ALDH1L2: variants seen among roughly 807,000 people sequenced by gnomAD.
The protein encoded by ALDH1L2 is mitochondrial 10-formyltetrahydrofolate dehydrogenase.
In ALDH1L2, 91 loss-of-function variants were observed where a neutral mutation model predicts 111.0. The observed-to-expected ratio is 0.82, with a 90% CI of 0.69 to 0.98. ALDH1L2 has a LOEUF of 0.98. ALDH1L2 is among the 50% of genes least tolerant of loss of function. The pLI, the probability that ALDH1L2 is intolerant of heterozygous loss-of-function variation, is 0.00. For missense variants in ALDH1L2, 995 were observed against 1,126.8 expected (o/e 0.88, Z 1.67); for synonymous variants, 374 against 392.6 (o/e 0.95, Z 0.56).
chr12:105,063,085 T>G, intron 6 of ALDH1L2, 63 bp from the exon 7 acceptor site: 351 of 1,520,382 alleles, frequency 2.3e-4, no homozygotes, highest in Non-Finnish European at 2.8e-4. Context: ...GCGGTATGTA[T>G]AAGCATCATT....
rs1445377336 is a variant in ALDH1L2 at position 105,040,783 on chromosome 12, A to C, written c.1864-89T>G. 4 of 1,009,382 alleles carry C rather than the reference A, an allele frequency of 4.0e-6. No individual in the cohort carries two copies. The Admixed American group carries it at 5.6e-5, about 14-fold the overall frequency. 62.5% of individuals were successfully genotyped at this position (1,009,382 alleles called of 1,614,324 possible). A position where few individuals can be genotyped will look rare whatever the true frequency, so the allele number is the denominator to read the frequency against. ...AGTTTTCCCTTGATAGCTGCACTAG[A>C]TCTCATTTTATTTTTATTGTACATT... On this transcript the variant is annotated intron_variant, in intron 15 of 22. Coordinates refer to ENST00000258494, the MANE Select transcript of ALDH1L2 (RefSeq NM_001034173.4).
intron 15 of ALDH1L2, among the ~76,000 whole-genome samples, chr12:105,041,855 T>TA (rs1875553616): frequency 7.2e-6 from 1 of 138,566 alleles, no homozygotes; most frequent in Admixed American, 7.3e-5. Context: ...CCCTTATCAT[T>TA]CTGACGTGCC....
In ALDH1L2 at chr12:105,034,343, A is replaced by C; in HGVS notation, c.2201T>G (p.Leu734Trp). 3 of 1,613,912 alleles carry C rather than the reference A, an allele frequency of 1.9e-6. No homozygotes were observed. In the South Asian group the frequency reaches 3.3e-5, roughly 18 times the overall value. Residue 734 changes from leucine (L) to tryptophan (W), a missense_variant, in exon 19 of 23, where the codon TTG becomes TGG. Transcript: ENST00000258494. ...KGENCIAAGR[L>W]FVEESIHDEF... ...GTCGTGGATGGATTCTTCCACGAAC[A>C]ACCGCCCAGCAGCAATACAGTTCTC...
intron 1 of ALDH1L2, chr12:105,074,334 T>C (rs995772654): frequency 2.3e-5 from 5 of 216,014 alleles, no homozygotes; most frequent in African/African-American, 9.4e-5. Flanking sequence ...GGCACACACC[T>C]GTAATCCCAG....
chr12:105,021,675 A>G lies in ALDH1L2; in HGVS notation c.*2749T>C, dbSNP rs1874167664. Reference sequence around the variant, plus strand: ...ATTTTTTTCAGAGATTGTGAAGATTAAATAACATTTAAAACATGCTTAGCC... The same window carrying G: ...ATTTTTTTCAGAGATTGTGAAGATTGAATAACATTTAAAACATGCTTAGCC... On this transcript the variant is annotated 3_prime_UTR_variant, in exon 23 of 23. Coordinates refer to ENST00000258494, the MANE Select transcript of ALDH1L2 (RefSeq NM_001034173.4). 1 of 152,172 alleles carries G rather than the reference A, an allele frequency of 6.6e-6. No homozygotes were observed. Among genetic ancestry groups the G allele is most frequent in the Non-Finnish European group, 1.5e-5 (1 of 68,028 alleles). The allele number at this position is 152,172 out of a possible 1,614,324, so 9.4% of individuals were successfully genotyped here. A position where few individuals can be genotyped will look rare whatever the true frequency, so the allele number is the denominator to read the frequency against.
intron 21 of ALDH1L2, 83 bp from the exon 22 acceptor site, chr12:105,026,827 C>A: frequency 6.6e-7 from 1 of 1,518,404 alleles, no homozygotes; most frequent in South Asian, 1.2e-5. Flanking sequence ...CCCATCTATG[C>A]TAGAAACAGG....
chr12:105,051,586 T>G (rs1876267447), intron 12 of ALDH1L2, among the ~76,000 whole-genome samples: 1 of 152,186 alleles, frequency 6.6e-6, no homozygotes, highest in Admixed American at 6.5e-5. Context: ...AGTTCTTTAT[T>G]AAACTTCTTT....
chr12:105,072,060 T>C (rs1877763875), intron 2 of ALDH1L2, among the ~76,000 whole-genome samples: 1 of 151,322 alleles, frequency 6.6e-6, no homozygotes, highest in East Asian at 1.9e-4. Flanking sequence ...CGCTCCAGCC[T>C]GGGCAACGAA....
intron 18 of ALDH1L2, among the ~76,000 whole-genome samples, chr12:105,035,621 A>C (rs1183789814): frequency 6.6e-6 from 1 of 152,116 alleles, no homozygotes; most frequent in African/African-American, 2.4e-5. Context: ...TGCAGCCATA[A>C]ATCATAAATA....
At chr12:105,080,266 T>C (rs1445189810) in intron 1 of ALDH1L2, among the ~76,000 whole-genome samples, 3 of 152,196 alleles carry the variant, frequency 2.0e-5, no homozygotes, top group Non-Finnish European at 4.4e-5. Flanking sequence ...ACACACAATA[T>C]CGTCAAATTT....
intron 15 of ALDH1L2, among the ~76,000 whole-genome samples, chr12:105,042,360 A>G (rs1298031034): frequency 6.6e-6 from 1 of 152,144 alleles, no homozygotes; most frequent in East Asian, 1.9e-4. Context: ...CCATGTCCCT[A>G]TGAAAAAGAA....
rs1036331238 is a variant in ALDH1L2 at position 105,024,063 on chromosome 12, A to C, written c.*361T>G. ...TAGTTCAGAGGTTAAAAACCTGTAC[A>C]TATTATACAAAGTTTCCAATAAATG... On this transcript the variant is annotated 3_prime_UTR_variant, in exon 23 of 23. Coordinates refer to ENST00000258494, the MANE Select transcript of ALDH1L2 (RefSeq NM_001034173.4). 6.9e-6 allele frequency: 2 copies of C among 291,258 alleles called. No homozygotes were observed. The highest frequency in any genetic ancestry group is 2.2e-5 in the African/African-American group (1 of 45,860). The allele number at this position is 291,258 out of a possible 1,614,324, so 18.0% of individuals were successfully genotyped here.
chr12:105,038,209 G>T lies in ALDH1L2; in HGVS notation c.2046-7C>A. 1 of 1,555,532 alleles carries T rather than the reference G, an allele frequency of 6.4e-7. No homozygotes were observed. On this transcript the variant is annotated splice_polypyrimidine_tract_variant and splice_region_variant and intron_variant, in intron 17 of 22. Transcript: ENST00000258494. ...CAAGTTGCTAACAGCACAGCTAGAG[G>T]AAAACAAATGAGAAATGAGCATTTA...
At chr12:105,024,750 A>G (rs570473001) in intron 22 of ALDH1L2, among the ~76,000 whole-genome samples, 11 of 152,386 alleles carry the variant, frequency 7.2e-5, no homozygotes, top group African/African-American at 2.4e-4. Flanking sequence ...TCCATGGACC[A>G]CACTTTGAAT....
chr12:105,055,287 T>C (rs564463120), intron 10 of ALDH1L2, among the ~76,000 whole-genome samples: 1 of 152,204 alleles, frequency 6.6e-6, no homozygotes, highest in East Asian at 1.9e-4. Context: ...TCTAAGAAAA[T>C]CTATGCCCAA....
chr12:105,070,406 T>C, intron 3 of ALDH1L2, 164 bp downstream of exon 3: 2 of 622,096 alleles, frequency 3.2e-6, no homozygotes, highest in Non-Finnish European at 5.6e-6. Context: ...TCACCCTCTG[T>C]GTAATTAAAA....
intron 21 of ALDH1L2, among the ~76,000 whole-genome samples, chr12:105,028,938 A>G (rs1874559198): frequency 6.6e-6 from 1 of 152,216 alleles, no homozygotes; most frequent in Non-Finnish European, 1.5e-5. Flanking sequence ...AAACTTCATT[A>G]AATGTAAAGC....
intron 4 of ALDH1L2, 50 bp from the exon 5 acceptor site, chr12:105,066,719 A>C (rs780762918): frequency 1.3e-6 from 2 of 1,516,332 alleles, no homozygotes; most frequent in Middle Eastern, 1.7e-4. Flanking sequence ...CAACAATGGC[A>C]TGGTCTATTT....
In ALDH1L2 at chr12:105,023,561, G is replaced by A. The variant is rs1475032559; in HGVS notation, c.*863C>T. 3.3e-5 allele frequency: 5 copies of A among 152,162 alleles called. No individual in the cohort carries two copies. The highest frequency in any genetic ancestry group is 7.2e-5 in the African/African-American group (3 of 41,448). 9.4% of individuals were successfully genotyped at this position (152,162 alleles called of 1,614,324 possible). On this transcript the variant is annotated 3_prime_UTR_variant, in exon 23 of 23. Transcript: ENST00000258494. ...CTTACCATGAGCAAAGCATTAATGT[G>A]AGGTGCTTTACTTACATTACTGCAA...
Sources: gnomAD v4.1 joint callset for allele counts (sites outside exome capture counted in the v4.1 genomes callset) on GRCh38, gnomAD v4.1.1 for gene constraint, MANE v1.5 for transcripts, NCBI Gene and HGNC (gene_info 2026-07-23, HGNC 2026-07-21) for gene names.